The following DOCK7 variants were observed in gnomAD, a reference collection of about 807,000 sequenced individuals.
The protein encoded by DOCK7 is dedicator of cytokinesis 7.
DOCK7 carries 138 observed loss-of-function variants against 271.0 expected under a neutral mutation model. The observed-to-expected ratio is 0.51, with a 90% CI of 0.44 to 0.59. The LOEUF (loss-of-function observed/expected upper bound fraction) is 0.59. DOCK7 is among the 20% of genes least tolerant of loss of function. The probability of loss-of-function intolerance (pLI) is 0.00; values close to 1 mark genes in which losing one functional copy is unlikely to be tolerated. For synonymous variants in DOCK7, 823 were observed against 876.1 expected, an observed-to-expected ratio of 0.94 and a Z score of 1.07; for missense variants, 2,066 against 2,592.4, an observed-to-expected ratio of 0.80 and a Z score of 4.41.
At chr1:62,502,209 A>C (rs1028651714) in intron 37 of DOCK7, among the ~76,000 whole-genome samples, 2 of 152,096 alleles carry the variant, frequency 1.3e-5, no homozygotes, top group East Asian at 1.9e-4. Flanking sequence ...AATAAATTGG[A>C]AAGTTTTTTT....
At chr1:62,675,607 C>A (rs1230761401) in intron 1 of DOCK7, among the ~76,000 whole-genome samples, 1 of 151,860 alleles carries the variant, frequency 6.6e-6, no homozygotes, top group Non-Finnish European at 1.5e-5. Context: ...GTGGTGAAAC[C>A]CCGTCTCTAC....
chr1:62,558,980 G>T lies in DOCK7; in HGVS notation c.2431+9C>A. 6.3e-7 allele frequency: 1 copy of T among 1,594,272 alleles called. No homozygotes were observed. The highest frequency in any genetic ancestry group is 8.6e-7 in the Non-Finnish European group (1 of 1,165,522). On this transcript the variant is annotated intron_variant, in intron 20 of 49. Coordinates refer to ENST00000635253, the MANE Select transcript of DOCK7 (RefSeq NM_001367561.1). ...TTTCACGTCTCATCCCCAAACAAAA[G>T]TAAATTACCTATTTGGCCAGCAATG...
rs371959349 is a variant in DOCK7, at chr1:62,528,131, T to C, written c.3936+20A>G. Reference sequence around the variant, plus strand: ...TTTGTCTTTCTAGAAAAAAAAATTCTGTAGGAGGATTGTTTTTACCGTTGA... The same window carrying C: ...TTTGTCTTTCTAGAAAAAAAAATTCCGTAGGAGGATTGTTTTTACCGTTGA... On this transcript the variant is annotated intron_variant, in intron 31 of 49. Transcript: ENST00000635253. 10 of 1,590,670 alleles carry C rather than the reference T, an allele frequency of 6.3e-6. No homozygotes were observed. The highest frequency in any genetic ancestry group is 1.8e-5 in the Admixed American group (1 of 55,720).
At chr1:62,554,671 C>A in intron 21 of DOCK7, among the ~76,000 whole-genome samples, 1 of 151,994 alleles carries the variant, frequency 6.6e-6, no homozygotes, top group East Asian at 1.9e-4. Flanking sequence ...TTAATTCATA[C>A]AATCTTTCAG....
chr1:62,602,209 A>C (rs770931234), intron 14 of DOCK7: 27 of 1,207,682 alleles, frequency 2.2e-5, no homozygotes, highest in Non-Finnish European at 3.3e-5. Flanking sequence ...ATTAAAATCA[A>C]ACAAACAAAA....
At chr1:62,641,688 T>G in intron 7 of DOCK7, 1 of 407,886 alleles carries the variant, frequency 2.5e-6, no homozygotes. Flanking sequence ...GGAGATGGCC[T>G]CAGCCTCATG....
chr1:62,591,075 G>C (rs952607699), intron 14 of DOCK7, among the ~76,000 whole-genome samples: 1 of 152,060 alleles, frequency 6.6e-6, no homozygotes, highest in Non-Finnish European at 1.5e-5. Flanking sequence ...AATAGCAAAA[G>C]ACATGGAATC....
intron 14 of DOCK7, among the ~76,000 whole-genome samples, chr1:62,595,681 C>T (rs1649129041): frequency 6.6e-6 from 1 of 152,118 alleles, no homozygotes; most frequent in Non-Finnish European, 1.5e-5. Context: ...TTAATATCAG[C>T]ACTTTGAGAG....
chr1:62,601,826 ATGCC>A (rs1650166457), intron 14 of DOCK7: 1 of 1,610,328 alleles, frequency 6.2e-7, no homozygotes, highest in African/African-American at 1.3e-5. Flanking sequence ...AGTGGCATGT[ATGCC>A]ATCAGACCCA....
intron 17 of DOCK7, among the ~76,000 whole-genome samples, chr1:62,577,618 C>T (rs1259795644): frequency 6.6e-6 from 1 of 151,802 alleles, no homozygotes; most frequent in Non-Finnish European, 1.5e-5. Context: ...AATCTAGAGG[C>T]AAAAAGTTGG....
chr1:62,489,120 A>C (rs1259654784), intron 41 of DOCK7, 55 bp from the exon 42 acceptor site: 1 of 1,464,172 alleles, frequency 6.8e-7, no homozygotes, highest in East Asian at 2.3e-5. Flanking sequence ...ATAAGAAAGA[A>C]AAGTAATTAT....
At chr1:62,593,103 G>A (rs1446397032) in intron 14 of DOCK7, among the ~76,000 whole-genome samples, 1 of 151,950 alleles carries the variant, frequency 6.6e-6, no homozygotes, top group Non-Finnish European at 1.5e-5. Flanking sequence ...GATCCTGAAT[G>A]ATATATATAT....
At chr1:62,558,082 TAA>T (rs1490950066) in intron 20 of DOCK7, among the ~76,000 whole-genome samples, 1 of 152,168 alleles carries the variant, frequency 6.6e-6, no homozygotes, top group Non-Finnish European at 1.5e-5. Flanking sequence ...CCCAATTTCC[TAA>T]AGTGTGGAAG....
intron 31 of DOCK7, among the ~76,000 whole-genome samples, chr1:62,524,204 A>T (rs1644933350): frequency 6.6e-6 from 1 of 152,192 alleles, no homozygotes; most frequent in African/African-American, 2.4e-5. Context: ...AAAAATTTAA[A>T]AATCTGACAA....
At chr1:62,584,036 G>C in intron 15 of DOCK7, 1 of 595,712 alleles carries the variant, frequency 1.7e-6, no homozygotes, top group African/African-American at 2.0e-5. Context: ...TTTAAAGTCT[G>C]TATAGCCATC....
intron 48 of DOCK7, among the ~76,000 whole-genome samples, chr1:62,473,660 C>T (rs1645893505): frequency 1.3e-5 from 2 of 152,044 alleles, no homozygotes; most frequent in African/African-American, 4.8e-5. Flanking sequence ...TCATAGTTTA[C>T]TACAGCCTCC....
In DOCK7 at chr1:62,559,105, C is replaced by A; in HGVS notation, c.2315G>T (p.Ser772Ile). 1 of 1,613,620 alleles carries A rather than the reference C, an allele frequency of 6.2e-7. No individual in the cohort carries two copies. ...GGATGAATTCAGTGCTGAAATACTG[C>A]TCTTCAATTCATTTTCTAAGTTATT... ...MENNLENELK[S>I]SISALNSSQL... Residue 772 changes from serine to isoleucine, a missense_variant, in exon 20 of 50, where the codon AGC becomes ATC. By Grantham distance (142) the Ser-to-Ile change is moderately radical. Transcript: ENST00000635253.
intron 35 of DOCK7, among the ~76,000 whole-genome samples, chr1:62,506,282 AGAG>A (rs1250616243): frequency 1.3e-5 from 2 of 152,174 alleles, no homozygotes; most frequent in African/African-American, 4.8e-5. Context: ...GGTGAACAAA[AGAG>A]AAGTTACATC....
At chr1:62,548,237 A>T (rs1023790620) in intron 22 of DOCK7, among the ~76,000 whole-genome samples, 1 of 151,978 alleles carries the variant, frequency 6.6e-6, no homozygotes, top group Non-Finnish European at 1.5e-5. Context: ...GACAAAAAAC[A>T]GAATAACAGG....
Sources: allele counts gnomAD v4.1 joint callset (sites outside exome capture counted in the v4.1 genomes callset), GRCh38; gene constraint gnomAD v4.1.1; transcripts MANE v1.5; gene names NCBI Gene and HGNC (gene_info 2026-07-23, HGNC 2026-07-21).